Variants in AGBL4 observed in about 807,000 individuals in gnomAD.
AGBL4 encodes AGBL carboxypeptidase 4.
Under a neutral mutation model 66.4 loss-of-function variants are expected in AGBL4, and 58 were observed. The observed-to-expected ratio is 0.87, with a 90% confidence interval of 0.71 to 1.09. The LOEUF (loss-of-function observed/expected upper bound fraction) is 1.09, where lower values mean the gene tolerates loss of function less well. Among genes scored for constraint, AGBL4 ranks in the 50% least tolerant of loss-of-function variants. AGBL4 has a pLI of 0.00. For missense variants in AGBL4, 579 were observed against 631.0 expected, an observed-to-expected ratio of 0.92 and a Z score of 0.88; for synonymous variants, 234 against 222.9, an observed-to-expected ratio of 1.05 and a Z score of -0.44.
chr1:48,891,217 T>A (rs1650930297), intron 5 of AGBL4, among the ~76,000 whole-genome samples: 1 of 152,164 alleles, frequency 6.6e-6, no homozygotes, highest in South Asian at 2.1e-4. Context: ...ACTAAATGTT[T>A]TTGAGTAAAT....
At chr1:48,815,843 C>T (rs988746666) in intron 6 of AGBL4, among the ~76,000 whole-genome samples, 7 of 152,130 alleles carry the variant, frequency 4.6e-5, no homozygotes, top group South Asian at 2.1e-4. Flanking sequence ...CTAATTACAA[C>T]GCTAATGTTA....
intron 3 of AGBL4, among the ~76,000 whole-genome samples, chr1:49,388,386 G>C (rs538029252): frequency 6.6e-6 from 1 of 152,114 alleles, no homozygotes; most frequent in East Asian, 1.9e-4. Flanking sequence ...AAAATAGCTG[G>C]CCAGGGGCAA....
rs144545144 is a variant in AGBL4, at chr1:49,504,275, T to C, written c.282+193038A>G. On this transcript the variant is annotated intron_variant, in intron 3 of 13. Coordinates refer to ENST00000371839, the MANE Select transcript of AGBL4 (RefSeq NM_032785.4). ...AAGTTTTCTGAGGCCTCCCCAGTAA[T>C]GCAGAACTGTGAGTCAATTAAACCT... 3.1e-3 allele frequency among the ~76,000 whole-genome samples: 471 copies of C among 152,238 alleles called. 4 individuals carry two copies. The highest frequency in any genetic ancestry group is 0.011 in the African/African-American group (456 of 41,548).
intron 2 of AGBL4, among the ~76,000 whole-genome samples, chr1:49,721,342 T>C (rs1648592738): frequency 6.6e-6 from 1 of 152,008 alleles, no homozygotes; most frequent in South Asian, 2.1e-4. Context: ...GCTCACTCTT[T>C]GGGTCCGTGC....
chr1:49,570,728 T>G (rs1644310422), intron 3 of AGBL4, among the ~76,000 whole-genome samples: 2 of 152,142 alleles, frequency 1.3e-5, no homozygotes, highest in Non-Finnish European at 2.9e-5. Flanking sequence ...TGTCTTACAT[T>G]TAAGCATTTA....
chr1:49,392,889 A>C (rs1486347341), intron 3 of AGBL4, among the ~76,000 whole-genome samples: 1 of 152,236 alleles, frequency 6.6e-6, no homozygotes, highest in Non-Finnish European at 1.5e-5. Flanking sequence ...TTGTAATCAT[A>C]AACAATATAT....
intron 1 of AGBL4, among the ~76,000 whole-genome samples, chr1:50,020,867 A>G (rs1272947248): frequency 6.6e-6 from 1 of 152,222 alleles, no homozygotes; most frequent in African/African-American, 2.4e-5. Context: ...GAGATTAAGA[A>G]ATTACCAGAT....
intron 1 of AGBL4, among the ~76,000 whole-genome samples, chr1:49,916,312 T>G (rs925811931): frequency 2.0e-5 from 3 of 151,968 alleles, no homozygotes; most frequent in Admixed American, 2.0e-4. Context: ...TTCGAACCCA[T>G]CACAAAGAAG....
chr1:49,401,364 G>C (rs1325272740), intron 3 of AGBL4, among the ~76,000 whole-genome samples: 1 of 152,142 alleles, frequency 6.6e-6, no homozygotes, highest in African/African-American at 2.4e-5. Context: ...GGGATTATCA[G>C]AATTCAAGAT....
chr1:48,869,281 G>A (rs978393669), intron 5 of AGBL4, among the ~76,000 whole-genome samples: 6 of 152,150 alleles, frequency 3.9e-5, no homozygotes, highest in African/African-American at 1.2e-4. Context: ...ACCCACCCAC[G>A]CATGTGGGCT....
Position 49,567,250 on chromosome 1 carries a change from G to A in AGBL4, c.282+130063C>T, listed in dbSNP as rs573911837. Reference sequence around the variant, plus strand: ...AATTCCCTGACCCCTTGCACTTTCCGGGTGAGGTGATGCCTCGCCCTGCTT... The same window carrying A: ...AATTCCCTGACCCCTTGCACTTTCCAGGTGAGGTGATGCCTCGCCCTGCTT... On this transcript the variant is annotated intron_variant, in intron 3 of 13. Transcript: ENST00000371839. Among the ~76,000 whole-genome samples the A allele has an allele frequency of 8.1e-4, 123 of 152,266 alleles. 1 individual carries two copies. The South Asian group carries it at 0.023, about 28-fold the overall frequency.
At chr1:49,842,320 C>T in intron 2 of AGBL4, 1 of 525,128 alleles carries the variant, frequency 1.9e-6, no homozygotes, top group Non-Finnish European at 3.4e-6. Flanking sequence ...CAAACATCAC[C>T]TCCCTGCTGG....
chr1:49,034,284 T>A (rs1220346398), intron 5 of AGBL4, among the ~76,000 whole-genome samples: 2 of 152,094 alleles, frequency 1.3e-5, no homozygotes, highest in East Asian at 3.9e-4. Flanking sequence ...ATACTAAAAA[T>A]TTGAACTAAA....
At chr1:48,873,482 T>G (rs960452384) in intron 5 of AGBL4, among the ~76,000 whole-genome samples, 1 of 152,140 alleles carries the variant, frequency 6.6e-6, no homozygotes, top group Non-Finnish European at 1.5e-5. Flanking sequence ...CACATTGTAT[T>G]TCCGTGACCT....
chr1:48,569,160 T>A (rs1308282454), intron 11 of AGBL4, among the ~76,000 whole-genome samples: 1 of 152,216 alleles, frequency 6.6e-6, no homozygotes, highest in Non-Finnish European at 1.5e-5. Context: ...CAGACCTAAG[T>A]CACACTGAAT....
chr1:48,555,429 A>T (rs1330861591), intron 11 of AGBL4, among the ~76,000 whole-genome samples: 1 of 152,198 alleles, frequency 6.6e-6, no homozygotes, highest in Non-Finnish European at 1.5e-5. Flanking sequence ...AATGGCATGA[A>T]ACAGCATCCT....
At chr1:49,139,658 A>C (rs1264558073) in intron 4 of AGBL4, among the ~76,000 whole-genome samples, 1 of 152,234 alleles carries the variant, frequency 6.6e-6, no homozygotes, top group African/African-American at 2.4e-5. Flanking sequence ...GTACTGGATA[A>C]ATGTGTCAAG....
intron 11 of AGBL4, among the ~76,000 whole-genome samples, chr1:48,578,129 C>G (rs1644683010): frequency 6.6e-6 from 1 of 152,116 alleles, no homozygotes; most frequent in Non-Finnish European, 1.5e-5. Flanking sequence ...ACTTAAAGAT[C>G]ACATCATTTC....
At position 49,423,890 on chromosome 1, in the gene AGBL4, G is replaced by A. The variant is rs965709283; in HGVS notation, c.283-178026C>T. ...ATTCAGCATTAAGAGACACAGCCGA[G>A]CTCCCCAGCTCATTAGTGAATAAAA... is the stretch of plus-strand genomic sequence containing the variant. On this transcript the variant is annotated intron_variant, in intron 3 of 13. Transcript: ENST00000371839. 2.0e-5 allele frequency among the ~76,000 whole-genome samples: 3 copies of A among 151,178 alleles called. No individual in the cohort carries two copies. In the South Asian group the frequency reaches 6.3e-4, roughly 32 times the overall value.
Sources: allele counts gnomAD v4.1 joint callset (sites outside exome capture counted in the v4.1 genomes callset), GRCh38; gene constraint gnomAD v4.1.1; transcripts MANE v1.5; gene names NCBI Gene and HGNC (gene_info 2026-07-23, HGNC 2026-07-21).